Variants in DUOX2 observed in about 807,000 individuals in gnomAD.
DUOX2 encodes the protein dual oxidase 2.
DUOX2 carries 185 observed loss-of-function variants against 183.3 expected under a neutral mutation model. The observed-to-expected ratio is 1.01, with a 90% CI of 0.90 to 1.14. The LOEUF is 1.14. DUOX2 is among the 50% of genes most tolerant of loss of function. DUOX2 has a pLI of 0.00. For missense variants in DUOX2, 1,999 were observed against 2,022.9 expected, an observed-to-expected ratio of 0.99 and a Z score of 0.23; for synonymous variants, 788 against 812.4, an observed-to-expected ratio of 0.97 and a Z score of 0.51.
At chr15:45,110,377 A>T in intron 9 of DUOX2, 51 bp downstream of exon 9, 1 of 1,554,460 alleles carries the variant, frequency 6.4e-7, no homozygotes, top group Non-Finnish European at 8.8e-7. Flanking sequence ...AAGGCAGCTC[A>T]TTCTGCACCT....
At chr15:45,103,042 C>T (rs1473069212) in intron 20 of DUOX2, among the ~76,000 whole-genome samples, 1 of 152,126 alleles carries the variant, frequency 6.6e-6, no homozygotes, top group African/African-American at 2.4e-5. Context: ...AGGCAGGGAC[C>T]CTCTCCTAGA....
intron 12 of DUOX2, 87 bp from the exon 13 acceptor site, chr15:45,108,309 A>C: frequency 1.3e-6 from 2 of 1,499,146 alleles, no homozygotes; most frequent in Non-Finnish European, 1.8e-6. Flanking sequence ...ACAGAACCTC[A>C]GCCGCTGCCT....
Position 45,095,936 on chromosome 15 carries a change from G to C in DUOX2, c.3972C>G (p.Pro1324=). The C allele has an allele frequency of 6.2e-7, 1 of 1,614,054 alleles. No homozygotes were observed. Among genetic ancestry groups the C allele is most frequent in the Non-Finnish European group, 8.5e-7 (1 of 1,180,010 alleles). Residue 1324 remains proline (P), a synonymous_variant, in exon 30 of 34, where the codon CCC becomes CCG. Coordinates refer to ENST00000389039, the MANE Select transcript of DUOX2 (RefSeq NM_001363711.2). ...TGTGCAGGCTGAGTGTGTCCTCATG[G>C]GGCGCGGAGGTCAGTGTGAAGGGGT... ...EYHPFTLTSA[P]HEDTLSLHIR... is the part of the protein sequence containing the mutation.
At chr15:45,108,694 T>C in intron 12 of DUOX2, 95 bp downstream of exon 12, 2 of 1,327,590 alleles carry the variant, frequency 1.5e-6, no homozygotes, top group South Asian at 1.2e-5. Context: ...ACAATATTAT[T>C]ATGTAGATTA....
At chr15:45,111,723 A>G in intron 5 of DUOX2, 45 bp downstream of exon 5, 1 of 1,495,258 alleles carries the variant, frequency 6.7e-7, no homozygotes, top group Non-Finnish European at 8.9e-7. Context: ...CCCAGGCCCC[A>G]CCTGGCTGGG....
At chr15:45,095,746 G>T in intron 30 of DUOX2, 82 bp downstream of exon 30, 1 of 1,544,096 alleles carries the variant, frequency 6.5e-7, no homozygotes. Context: ...GACGGCTGGA[G>T]CTTCTAGTCT....
At position 45,112,704 on chromosome 15, in the gene DUOX2, G is replaced by T; in HGVS notation, c.175C>A (p.Arg59Ser). The T allele has an allele frequency of 3.1e-6, 5 of 1,611,798 alleles. No individual in the cohort carries two copies. Among genetic ancestry groups the T allele is most frequent in the South Asian group, 1.1e-5 (1 of 91,086 alleles). Residue 59 changes from arginine (R) to serine (S), a missense_variant, in exon 4 of 34, where the codon CGC becomes AGC. By Grantham distance (110) the Arg-to-Ser change is moderately radical. Coordinates refer to ENST00000389039, the MANE Select transcript of DUOX2 (RefSeq NM_001363711.2). Reference sequence around the variant, plus strand: ...TCGGCGTAATTGGCTGGTACGCGGCGCTGCAACCGGCAGCCTGCGGAGGCA... The same window carrying T: ...TCGGCGTAATTGGCTGGTACGCGGCTCTGCAACCGGCAGCCTGCGGAGGCA... The part of the protein sequence containing the change: ...ERGAVGCRLQ[R>S]RVPANYADGV...
In DUOX2 at chr15:45,094,698, G is replaced by C. The variant is rs759931529; in HGVS notation, c.4396-7C>G. On this transcript the variant is annotated splice_polypyrimidine_tract_variant and splice_region_variant and intron_variant, in intron 32 of 33. Coordinates refer to ENST00000389039, the MANE Select transcript of DUOX2 (RefSeq NM_001363711.2). ...AGTGCCGCTCGCAGATGTACTGGGG[G>C]CACAGGGGCAGGTCAGACCAAAGAC... is the stretch of plus-strand genomic sequence containing the variant. 16 of 1,613,898 alleles carry C rather than the reference G, an allele frequency of 9.9e-6. No individual in the cohort carries two copies. The highest frequency in any genetic ancestry group is 2.5e-6 in the Non-Finnish European group (3 of 1,179,930).
At chr15:45,097,494 G>A in intron 28 of DUOX2, 103 bp from the exon 29 acceptor site, 1 of 1,612,202 alleles carries the variant, frequency 6.2e-7, no homozygotes, top group Non-Finnish European at 8.5e-7. Context: ...TAGGGCTGAG[G>A]TCTGGGGTCT....
At chr15:45,100,488 G>GC in intron 23 of DUOX2, 1 of 607,270 alleles carries the variant, frequency 1.6e-6, no homozygotes, top group East Asian at 2.8e-5. Context: ...CCCAGCACAG[G>GC]CCTCAAGGCT....
intron 17 of DUOX2, 135 bp from the exon 18 acceptor site, chr15:45,105,963 G>C: frequency 7.2e-7 from 1 of 1,388,090 alleles, no homozygotes; most frequent in Non-Finnish European, 1.0e-6. Flanking sequence ...CAGGTGTGTG[G>C]ACGAAGGGGG....
intron 20 of DUOX2, among the ~76,000 whole-genome samples, chr15:45,102,669 C>T (rs773647706): frequency 2.6e-4 from 40 of 152,282 alleles, no homozygotes; most frequent in East Asian, 7.7e-4. Flanking sequence ...GCAAGATACA[C>T]GCTGAGTTAC....
chr15:45,098,289 A>C (rs1350710198), intron 26 of DUOX2, among the ~76,000 whole-genome samples: 1 of 151,758 alleles, frequency 6.6e-6, no homozygotes, highest in Non-Finnish European at 1.5e-5. Flanking sequence ...ACTGTGGTTG[A>C]CCCCTGCTTC....
chr15:45,106,266 G>A lies in DUOX2; in HGVS notation c.2007C>T (p.Asp669=), dbSNP rs142904043. ...SSPIIIQLLS[D]RCLQVLNRHL... ...GCCTGTTCAGGACCTGCAGACACCT[G>A]TCTGACAGCAGCTGGATGATGATGG... is the stretch of plus-strand genomic sequence containing the variant. The change falls in exon 17 of 34, where the codon GAC becomes GAT. Residue 669 remains aspartate, a synonymous_variant. Coordinates refer to ENST00000389039, the MANE Select transcript of DUOX2 (RefSeq NM_001363711.2). 5.0e-6 allele frequency: 8 copies of A among 1,614,130 alleles called. No homozygotes were observed. Among genetic ancestry groups the A allele is most frequent in the Non-Finnish European group, 6.8e-6 (8 of 1,180,000 alleles).
rs370692915 is a variant in DUOX2, at chr15:45,106,073, T to C, written c.2148+52A>G. ...GAGGATAGGGTGGCCTCGCTTGTGA[T>C]AATGGAGTCGTGTGAGGGCAGCCCA... On this transcript the variant is annotated intron_variant, in intron 17 of 33. Coordinates refer to ENST00000389039, the MANE Select transcript of DUOX2 (RefSeq NM_001363711.2). 73 of 1,601,688 alleles carry C rather than the reference T, an allele frequency of 4.6e-5. No homozygotes were observed. The African/African-American group carries it at 9.2e-4, about 20-fold the overall frequency.
chr15:45,105,932 C>T (rs1317431133), intron 17 of DUOX2, 104 bp from the exon 18 acceptor site: 3 of 1,498,302 alleles, frequency 2.0e-6, no homozygotes, highest in Non-Finnish European at 2.7e-6. Context: ...AAAACTCCTC[C>T]CCATCCATCC....
At position 45,112,805 on chromosome 15, in the gene DUOX2, T is replaced by C; in HGVS notation, c.161-87A>G. On this transcript the variant is annotated intron_variant, in intron 3 of 33. Coordinates refer to ENST00000389039, the MANE Select transcript of DUOX2 (RefSeq NM_001363711.2). Reference sequence around the variant, plus strand: ...CTCCCTAAGCCTCCCTCAACCCCCATCCCACTTCACTGACAGAACCTTCCC... The same window carrying C: ...CTCCCTAAGCCTCCCTCAACCCCCACCCCACTTCACTGACAGAACCTTCCC... The C allele has an allele frequency of 3.1e-6, 5 of 1,590,312 alleles. No individual in the cohort carries two copies. The South Asian group carries it at 3.3e-5, about 11-fold the overall frequency.
Position 45,106,610 on chromosome 15 carries a change from A to G in DUOX2, c.1863T>C (p.Tyr621=). ...GCTTCTTGTGTTCTCGGCCCCGGAA[A>G]TAGGCCACCACTCCAGAGAGAAGCA... The part of the protein sequence containing the change: ...VSLLLSGVVA[Y]FRGREHKKLQ... The change falls in exon 16 of 34, where the codon TAT becomes TAC. Residue 621 remains tyrosine, a synonymous_variant. Transcript: ENST00000389039. The G allele has an allele frequency of 6.2e-7, 1 of 1,614,148 alleles. No individual in the cohort carries two copies. The highest frequency in any genetic ancestry group is 2.2e-5 in the East Asian group (1 of 44,874).
Position 45,094,693 on chromosome 15 carries a change from TG to T in DUOX2, c.4396-3del, listed in dbSNP as rs776750341. On this transcript the variant is annotated splice_polypyrimidine_tract_variant and splice_region_variant and intron_variant, in intron 32 of 33. Coordinates refer to ENST00000389039, the MANE Select transcript of DUOX2 (RefSeq NM_001363711.2). ...CTGGAAGTGCCGCTCGCAGATGTACTGGGGGCACAGGGGCAGGTCAGACCAA... is the reference window on the plus strand; with the variant it reads ...CTGGAAGTGCCGCTCGCAGATGTACTGGGGCACAGGGGCAGGTCAGACCAA... 1 of 1,613,862 alleles carries T rather than the reference TG, an allele frequency of 6.2e-7. No individual in the cohort carries two copies. The highest frequency in any genetic ancestry group is 8.5e-7 in the Non-Finnish European group (1 of 1,179,942).
Sources: allele counts gnomAD v4.1 joint callset (sites outside exome capture counted in the v4.1 genomes callset), GRCh38; gene constraint gnomAD v4.1.1; transcripts MANE v1.5; gene names NCBI Gene and HGNC (gene_info 2026-07-23, HGNC 2026-07-21).